Variants in CLSTN2 observed in about 807,000 individuals in gnomAD.
CLSTN2 encodes calsyntenin 2.
Under a neutral mutation model 101.2 loss-of-function variants are expected in CLSTN2, and 48 were observed. That is an observed-to-expected ratio of 0.47 (90% CI 0.38 to 0.60). The LOEUF is 0.60. Among genes scored for constraint, CLSTN2 ranks in the 20% least tolerant of loss-of-function variants. The pLI, the probability that CLSTN2 is intolerant of heterozygous loss-of-function variation, is 0.00. For synonymous variants in CLSTN2, 481 were observed against 463.6 expected, an observed-to-expected ratio of 1.04 and a Z score of -0.48; for missense variants, 1,160 against 1,238.2, an observed-to-expected ratio of 0.94 and a Z score of 0.95.
rs1473991730 is a variant in CLSTN2 at position 140,165,057 on chromosome 3, A to G, written c.110-10894A>G. ...GCAGTTAAGGATTAATGACTCAGCCATCTGTCCTTCAAATACTTTTTCAAT... is the reference window on the plus strand; with the variant it reads ...GCAGTTAAGGATTAATGACTCAGCCGTCTGTCCTTCAAATACTTTTTCAAT... On this transcript the variant is annotated intron_variant, in intron 1 of 16. Transcript: ENST00000458420. Among the ~76,000 whole-genome samples the G allele has an allele frequency of 3.3e-5, 5 of 152,226 alleles. No homozygotes were observed. The East Asian group carries it at 9.6e-4, about 29-fold the overall frequency.
At chr3:140,193,482 T>C (rs533095333) in intron 2 of CLSTN2, among the ~76,000 whole-genome samples, 76 of 152,126 alleles carry the variant, frequency 5.0e-4, no homozygotes, top group Non-Finnish European at 8.7e-4. Context: ...TCTAGCCTTT[T>C]TTATTTCTGC....
chr3:140,000,562 T>C (rs193038961), intron 1 of CLSTN2, among the ~76,000 whole-genome samples: 150 of 152,350 alleles, frequency 9.8e-4, no homozygotes, highest in African/African-American at 3.5e-3. Flanking sequence ...GAAGGTTAGA[T>C]GAGGACTTAA....
intron 1 of CLSTN2, among the ~76,000 whole-genome samples, chr3:140,046,927 G>T (rs1035683343): frequency 6.6e-6 from 1 of 151,732 alleles, no homozygotes; most frequent in African/African-American, 2.4e-5. Flanking sequence ...TCCTGGATTG[G>T]TGTTGCCTGC....
At chr3:140,340,300 G>A (rs2087480086) in intron 2 of CLSTN2, among the ~76,000 whole-genome samples, 1 of 152,224 alleles carries the variant, frequency 6.6e-6, no homozygotes, top group South Asian at 2.1e-4. Flanking sequence ...GTTATGGAAT[G>A]TGATAGTAAT....
chr3:140,326,335 G>A (rs1204177063), intron 2 of CLSTN2, among the ~76,000 whole-genome samples: 2 of 152,212 alleles, frequency 1.3e-5, no homozygotes, highest in Non-Finnish European at 2.9e-5. Context: ...GCAAGACAGA[G>A]GGAAGAAGGG....
intron 1 of CLSTN2, among the ~76,000 whole-genome samples, chr3:140,097,760 G>A (rs2008895650): frequency 6.6e-6 from 1 of 152,142 alleles, no homozygotes; most frequent in South Asian, 2.1e-4. Context: ...AATAATTTGT[G>A]TAGTTGTACA....
chr3:140,121,854 G>A (rs2009345836), intron 1 of CLSTN2, among the ~76,000 whole-genome samples: 1 of 152,200 alleles, frequency 6.6e-6, no homozygotes, highest in Admixed American at 6.5e-5. Context: ...GGACATGCAT[G>A]AGGAGGACTA....
chr3:140,157,613 T>G (rs997123984), intron 1 of CLSTN2, among the ~76,000 whole-genome samples: 1 of 152,224 alleles, frequency 6.6e-6, no homozygotes, highest in Non-Finnish European at 1.5e-5. Context: ...TGTACTTATT[T>G]GGATATTCTT....
At chr3:140,423,721 C>A (rs532837010) in intron 5 of CLSTN2, among the ~76,000 whole-genome samples, 32 of 152,230 alleles carry the variant, frequency 2.1e-4, no homozygotes, top group African/African-American at 7.7e-4. Flanking sequence ...TGTCACAGTA[C>A]CAGGCTTATC....
intron 12 of CLSTN2, among the ~76,000 whole-genome samples, chr3:140,561,129 G>A (rs1273877654): frequency 1.3e-5 from 2 of 151,686 alleles, no homozygotes; most frequent in African/African-American, 2.4e-5. Flanking sequence ...AACACACAAA[G>A]TATATTTAGT....
chr3:140,320,140 G>C (rs1255240114), intron 2 of CLSTN2, among the ~76,000 whole-genome samples: 1 of 152,206 alleles, frequency 6.6e-6, no homozygotes, highest in Non-Finnish European at 1.5e-5. Context: ...TTGTGCTCAG[G>C]TTACCTTCAG....
At chr3:140,389,383 A>G (rs891576925) in intron 2 of CLSTN2, among the ~76,000 whole-genome samples, 2 of 152,142 alleles carry the variant, frequency 1.3e-5, no homozygotes, top group African/African-American at 2.4e-5. Flanking sequence ...GTGAGAACAT[A>G]TGGTGTTTGG....
intron 2 of CLSTN2, among the ~76,000 whole-genome samples, chr3:140,402,629 C>T (rs370947807): frequency 1.3e-5 from 2 of 152,138 alleles, no homozygotes; most frequent in South Asian, 4.1e-4. Flanking sequence ...GAGCAAGGCC[C>T]CATTAAATGA....
intron 1 of CLSTN2, among the ~76,000 whole-genome samples, chr3:139,940,368 C>A (rs1197974877): frequency 6.6e-6 from 1 of 152,158 alleles, no homozygotes. Flanking sequence ...GTTAGTTAAC[C>A]CATCTGAGAC....
intron 1 of CLSTN2, among the ~76,000 whole-genome samples, chr3:139,959,437 T>C (rs1238386807): frequency 6.6e-6 from 1 of 152,200 alleles, no homozygotes; most frequent in Non-Finnish European, 1.5e-5. Flanking sequence ...ATTAAACAGA[T>C]ATCGAGGGGG....
intron 2 of CLSTN2, among the ~76,000 whole-genome samples, chr3:140,225,684 G>C (rs531885999): frequency 6.6e-6 from 1 of 152,170 alleles, no homozygotes; most frequent in Non-Finnish European, 1.5e-5. Context: ...TCTTAGTAGA[G>C]ATGGGGTTTC....
intron 7 of CLSTN2, among the ~76,000 whole-genome samples, chr3:140,463,687 A>G (rs910557923): frequency 6.6e-6 from 1 of 152,066 alleles, no homozygotes; most frequent in Non-Finnish European, 1.5e-5. Flanking sequence ...ATGCAAGTGA[A>G]TGACGGGGCT....
intron 8 of CLSTN2, among the ~76,000 whole-genome samples, chr3:140,473,480 A>T (rs891797656): frequency 1.6e-4 from 24 of 152,294 alleles, no homozygotes; most frequent in Non-Finnish European, 2.1e-4. Flanking sequence ...ATATAATAGT[A>T]AGTGTTCTTA....
chr3:140,148,987 C>T (rs182135160), intron 1 of CLSTN2, among the ~76,000 whole-genome samples: 70 of 152,174 alleles, frequency 4.6e-4, no homozygotes, highest in Admixed American at 1.1e-3. Context: ...AGCCAGAGAG[C>T]GGAGGTCCTT....
Sources: allele counts gnomAD v4.1 joint callset (sites outside exome capture counted in the v4.1 genomes callset), GRCh38; gene constraint gnomAD v4.1.1; transcripts MANE v1.5; gene names NCBI Gene and HGNC (gene_info 2026-07-23, HGNC 2026-07-21).